ARID4B: variants seen among roughly 807,000 people sequenced by gnomAD.
ARID4B encodes the protein AT-rich interactive domain-containing protein 4B.
In ARID4B, 26 loss-of-function variants were observed where a neutral mutation model predicts 147.5. The observed-to-expected ratio is 0.18, with a 90% CI of 0.13 to 0.24. ARID4B has a LOEUF of 0.24. Among genes scored for constraint, ARID4B ranks in the 10% least tolerant of loss-of-function variants. The probability of loss-of-function intolerance (pLI) is 1.00; values close to 1 mark genes in which losing one functional copy is unlikely to be tolerated. For synonymous variants in ARID4B, 512 were observed against 507.9 expected, an observed-to-expected ratio of 1.01 and a Z score of -0.11; for missense variants, 1,179 against 1,511.5, an observed-to-expected ratio of 0.78 and a Z score of 3.65.
intron 2 of ARID4B, among the ~76,000 whole-genome samples, chr1:235,323,451 G>A (rs1478836106): frequency 6.6e-6 from 1 of 151,918 alleles, no homozygotes; most frequent in Non-Finnish European, 1.5e-5. Flanking sequence ...TTAATAACAT[G>A]TACAATATAG....
chr1:235,204,703 G>A (rs1441355956), intron 17 of ARID4B, among the ~76,000 whole-genome samples: 1 of 152,154 alleles, frequency 6.6e-6, no homozygotes, highest in East Asian at 1.9e-4. Context: ...TAATGCAGAT[G>A]CTAAGTTTTT....
At chr1:235,198,589 T>C (rs1352301317) in intron 17 of ARID4B, among the ~76,000 whole-genome samples, 1 of 152,216 alleles carries the variant, frequency 6.6e-6, no homozygotes, top group Non-Finnish European at 1.5e-5. Context: ...AAATCCTATA[T>C]GGTAATCATG....
chr1:235,198,863 G>A (rs541468492), intron 17 of ARID4B, among the ~76,000 whole-genome samples: 3 of 152,326 alleles, frequency 2.0e-5, no homozygotes, highest in Admixed American at 6.5e-5. Context: ...ACTTTGGAAG[G>A]CTGAGGTGGA....
intron 2 of ARID4B, among the ~76,000 whole-genome samples, chr1:235,323,955 G>A (rs1457974662): frequency 6.6e-6 from 1 of 151,064 alleles, no homozygotes; most frequent in East Asian, 1.9e-4. Flanking sequence ...GCCGAGGCTG[G>A]AGTTCAGTGG....
intron 19 of ARID4B, among the ~76,000 whole-genome samples, chr1:235,191,209 C>T (rs1665080148): frequency 1.3e-5 from 2 of 151,928 alleles, no homozygotes; most frequent in Non-Finnish European, 2.9e-5. Context: ...ACTGAGCACA[C>T]TCCCACATAA....
At chr1:235,318,550 G>A (rs974486761) in intron 2 of ARID4B, among the ~76,000 whole-genome samples, 36 of 152,194 alleles carry the variant, frequency 2.4e-4, no homozygotes, top group African/African-American at 7.9e-4. Context: ...ACAGGATTCC[G>A]TTAACAGAAA....
intron 14 of ARID4B, 43 bp downstream of exon 14, chr1:235,221,522 G>T: frequency 1.7e-6 from 2 of 1,146,098 alleles, no homozygotes; most frequent in Non-Finnish European, 2.6e-6. Flanking sequence ...CTGCTTTCTA[G>T]GTAAAAATAC....
intron 2 of ARID4B, among the ~76,000 whole-genome samples, chr1:235,301,534 C>CTT (rs567369149): frequency 7.0e-5 from 7 of 99,816 alleles, no homozygotes; most frequent in Admixed American, 1.1e-4. Flanking sequence ...GACCCTATTT[C>CTT]TTTTTTTTTT....
intron 8 of ARID4B, among the ~76,000 whole-genome samples, chr1:235,236,862 A>ATATATATATATATATATAT (rs1426582533): frequency 2.3e-4 from 4 of 17,492 alleles, no homozygotes; most frequent in East Asian, 3.6e-3. Context: ...ATATATATAT[A>ATATATATATATATATATAT]TTTTTTTTTT....
At chr1:235,326,031 T>A (rs1675211445) in intron 2 of ARID4B, among the ~76,000 whole-genome samples, 2 of 152,130 alleles carry the variant, frequency 1.3e-5, no homozygotes, top group South Asian at 4.1e-4. Flanking sequence ...TTGTGAACAC[T>A]CTACCCTTTT....
intron 2 of ARID4B, among the ~76,000 whole-genome samples, chr1:235,303,567 C>T (rs182923820): frequency 3.9e-5 from 6 of 152,048 alleles, no homozygotes; most frequent in East Asian, 1.9e-4. Flanking sequence ...CTAAAAAAAA[C>T]GAGAAACAGC....
intron 2 of ARID4B, among the ~76,000 whole-genome samples, chr1:235,261,147 C>G (rs1293601389): frequency 6.6e-6 from 1 of 152,104 alleles, no homozygotes; most frequent in Admixed American, 6.6e-5. Context: ...GGGAAATCTT[C>G]TAATATTTAG....
intron 2 of ARID4B, among the ~76,000 whole-genome samples, chr1:235,268,686 G>T (rs1040224664): frequency 1.3e-5 from 2 of 152,078 alleles, no homozygotes; most frequent in Non-Finnish European, 2.9e-5. Context: ...TCGCCACCAT[G>T]TCCAGCTAAT....
intron 7 of ARID4B, among the ~76,000 whole-genome samples, chr1:235,243,804 G>A (rs1340177279): frequency 6.6e-6 from 1 of 152,056 alleles, no homozygotes; most frequent in African/African-American, 2.4e-5. Context: ...GACTGACAAC[G>A]TATACATACC....
rs1391961759 is a variant in ARID4B, at chr1:235,175,190, G to C, written c.3658C>G (p.Gln1220Glu). 1.9e-6 allele frequency: 3 copies of C among 1,613,022 alleles called. No individual in the cohort carries two copies. The highest frequency in any genetic ancestry group is 1.1e-5 in the South Asian group (1 of 91,038). Reference protein sequence around the residue: ...RLPKVYKWSFQMSDLENMTSA... With the variant: ...RLPKVYKWSFEMSDLENMTSA... ...AATTTAACATGTCACTTACACATCT[G>C]AAAACTCCATTTGTAAACTTTGGGT... The change falls in exon 22 of 24, where the codon CAG (glutamine) becomes GAG (glutamate). Residue 1220 changes from glutamine (Q) to glutamate (E), a missense_variant. By Grantham distance (29) the Gln-to-Glu change is conservative. Around this residue, in one of 10 missense-constraint regions of ARID4B, gnomAD observed 357 missense variants for 427.3 expected, o/e 0.84. Coordinates refer to ENST00000264183, the MANE Select transcript of ARID4B (RefSeq NM_016374.6).
intron 18 of ARID4B, 31 bp downstream of exon 18, chr1:235,196,000 C>T: frequency 7.4e-7 from 1 of 1,344,556 alleles, no homozygotes; most frequent in South Asian, 1.2e-5. Context: ...TTTTTAAGAG[C>T]TAATAGTGTG....
At chr1:235,191,582 T>C (rs1350062206) in intron 19 of ARID4B, among the ~76,000 whole-genome samples, 1 of 152,108 alleles carries the variant, frequency 6.6e-6, no homozygotes, top group Non-Finnish European at 1.5e-5. Flanking sequence ...CTAACTGTAG[T>C]GGACCCCTAG....
rs747392601 is a variant in ARID4B at position 235,220,297 on chromosome 1, T to C, written c.1407+5A>G. The C allele has an allele frequency of 5.0e-6, 8 of 1,589,432 alleles. No individual in the cohort carries two copies. Among genetic ancestry groups the C allele is most frequent in the Middle Eastern group, 1.7e-4 (1 of 5,926 alleles). ...GCAAAAGACAATTAACAATATCTGATTTACCAGAGAGGGCTTAATATTTTC... is the reference window on the plus strand; with the variant it reads ...GCAAAAGACAATTAACAATATCTGACTTACCAGAGAGGGCTTAATATTTTC... On this transcript the variant is annotated splice_donor_5th_base_variant and intron_variant, in intron 15 of 23. Coordinates refer to ENST00000264183, the MANE Select transcript of ARID4B (RefSeq NM_016374.6).
At chr1:235,200,487 ACT>A (rs1665835834) in intron 17 of ARID4B, among the ~76,000 whole-genome samples, 1 of 151,654 alleles carries the variant, frequency 6.6e-6, no homozygotes, top group Non-Finnish European at 1.5e-5. Flanking sequence ...GCGGGGAAAA[ACT>A]CTACATGAAA....
Sources: allele counts gnomAD v4.1 joint callset (sites outside exome capture counted in the v4.1 genomes callset), GRCh38; gene constraint gnomAD v4.1.1; regional missense constraint gnomAD v4.1.1; transcripts MANE v1.5; gene names NCBI Gene and HGNC (gene_info 2026-07-23, HGNC 2026-07-21).